The following RNF150 variants were observed in gnomAD, a reference collection of about 807,000 sequenced individuals.
The protein encoded by RNF150 is ring finger protein 150.
A neutral mutation model predicts 39.3 loss-of-function variants in RNF150; 24 were observed. That is an observed-to-expected ratio of 0.61 (90% CI 0.44 to 0.86). The LOEUF is 0.86. Among genes scored for constraint, RNF150 ranks in the 40% least tolerant of loss-of-function variants. The pLI, the probability that RNF150 is intolerant of heterozygous loss-of-function variation, is 0.00. For missense variants in RNF150, 502 were observed against 587.8 expected (o/e 0.85, Z 1.51); for synonymous variants, 255 against 227.3 (o/e 1.12, Z -1.10).
chr4:140,976,949 G>C (rs1733688398), intron 1 of RNF150, among the ~76,000 whole-genome samples: 1 of 151,642 alleles, frequency 6.6e-6, no homozygotes, highest in South Asian at 2.1e-4. Context: ...CTCCCCCTTT[G>C]TCCAAATGAT....
chr4:141,192,713 A>G (rs545920117), intron 1 of RNF150, among the ~76,000 whole-genome samples: 1 of 152,318 alleles, frequency 6.6e-6, no homozygotes, highest in Non-Finnish European at 1.5e-5. Context: ...CCTATCACCA[A>G]CAACACCCTG....
intron 1 of RNF150, among the ~76,000 whole-genome samples, chr4:141,082,557 G>A (rs528435555): frequency 1.9e-3 from 287 of 152,216 alleles, no homozygotes; most frequent in African/African-American, 6.7e-3. Flanking sequence ...ATATAGCAGG[G>A]TCAAGAAATA....
rs191740806 is a variant in RNF150, at chr4:141,083,345, T to A, written c.484+48980A>T. Among the ~76,000 whole-genome samples, 1,295 of 152,356 alleles carry A rather than the reference T, an allele frequency of 8.5e-3. 14 individuals are homozygous for A. The highest frequency in any genetic ancestry group is 0.013 in the Non-Finnish European group (899 of 68,030). ...AACCATACTCAAAAAATAATTTGAA[T>A]GACTCTCACTGGAAATTCTTTAGGC... On this transcript the variant is annotated intron_variant, in intron 1 of 6. Transcript: ENST00000515673.
At chr4:141,128,851 G>GA in intron 1 of RNF150, among the ~76,000 whole-genome samples, 1 of 152,012 alleles carries the variant, frequency 6.6e-6, no homozygotes, top group Middle Eastern at 3.4e-3. Context: ...ATGAATAGCA[G>GA]AAAAAAACAA....
chr4:141,056,840 T>C (rs2110906930), intron 1 of RNF150, among the ~76,000 whole-genome samples: 1 of 152,178 alleles, frequency 6.6e-6, no homozygotes, highest in East Asian at 1.9e-4. Context: ...TTACTCCTCA[T>C]TCTTGTAGTC....
At chr4:141,171,355 C>T (rs189179080) in intron 1 of RNF150, among the ~76,000 whole-genome samples, 2 of 152,044 alleles carry the variant, frequency 1.3e-5, no homozygotes, top group East Asian at 3.9e-4. Context: ...GAGTATCGGA[C>T]CCAATAGGGG....
Position 141,165,337 on chromosome 4 carries a change from G to T in RNF150, c.-6+47457C>A, listed in dbSNP as rs994392177. 4.6e-5 allele frequency among the ~76,000 whole-genome samples: 7 copies of T among 151,960 alleles called. 1 individual carries two copies. Among genetic ancestry groups the T allele is most frequent in the Admixed American group, 2.6e-4 (4 of 15,252 alleles). The stretch of plus-strand genomic sequence containing the variant: ...CCTACAAAGAGACTTGCACTCCCAC[G>T]CAATAATAGTGGGAGACTTTAACAC... On this transcript the variant is annotated intron_variant, in intron 1 of 7. Coordinates refer to the RNF150 transcript ENST00000420921.
At position 141,106,510 on chromosome 4, in the gene RNF150, C is replaced by T. The variant is rs923884815; in HGVS notation, c.484+25815G>A. ...TAAGATGACATAACAATATCTCTTC[C>T]GGCCAGGCATGGTGGCTCACGCCTG... is the stretch of plus-strand genomic sequence containing the variant. On this transcript the variant is annotated intron_variant, in intron 1 of 6. Coordinates refer to ENST00000515673, the MANE Select transcript of RNF150 (RefSeq NM_020724.2). Among the ~76,000 whole-genome samples, 7 of 152,106 alleles carry T rather than the reference C, an allele frequency of 4.6e-5. No individual in the cohort carries two copies. In the East Asian group the frequency reaches 5.8e-4, roughly 13 times the overall value.
chr4:141,154,973 T>A (rs1727359558), intron 1 of RNF150, among the ~76,000 whole-genome samples: 1 of 152,192 alleles, frequency 6.6e-6, no homozygotes, highest in Admixed American at 6.5e-5. Context: ...GGTGATGTCA[T>A]CCTTCGTCAG....
intron 2 of RNF150, 110 bp from the exon 3 acceptor site, chr4:140,949,482 G>T: frequency 1.3e-5 from 11 of 878,816 alleles, no homozygotes; most frequent in Non-Finnish European, 1.8e-5. Context: ...TGCACATGTG[G>T]TATGAATGCT....
chr4:141,170,834 T>C (rs147986000), intron 1 of RNF150, among the ~76,000 whole-genome samples: 139 of 152,338 alleles, frequency 9.1e-4, no homozygotes, highest in African/African-American at 3.2e-3. Flanking sequence ...AATGTGATTG[T>C]TATAAGTGTG....
chr4:141,086,716 A>G (rs1029805480), intron 1 of RNF150, among the ~76,000 whole-genome samples: 2 of 151,552 alleles, frequency 1.3e-5, no homozygotes, highest in Admixed American at 6.6e-5. Context: ...TTGAAGACAG[A>G]TACCTATACT....
At chr4:141,024,170 T>C (rs1735604252) in intron 1 of RNF150, among the ~76,000 whole-genome samples, 1 of 152,102 alleles carries the variant, frequency 6.6e-6, no homozygotes, top group African/African-American at 2.4e-5. Context: ...ATACTCAAGA[T>C]TTAAGCTGGA....
At chr4:140,896,727 A>AAAT (rs1553989332) in intron 6 of RNF150, among the ~76,000 whole-genome samples, 1 of 121,322 alleles carries the variant, frequency 8.2e-6, no homozygotes, top group African/African-American at 3.4e-5. Flanking sequence ...CAAACAAAAA[A>AAAT]AAATAATTTT....
At chr4:141,050,183 G>A (rs1225215320) in intron 1 of RNF150, among the ~76,000 whole-genome samples, 1 of 152,018 alleles carries the variant, frequency 6.6e-6, no homozygotes, top group Admixed American at 6.6e-5. Flanking sequence ...AAAATCAGTA[G>A]GGAGCTTGAA....
chr4:141,027,940 T>G lies in RNF150; in HGVS notation c.485-60067A>C, dbSNP rs1392204784. Among the ~76,000 whole-genome samples the G allele has an allele frequency of 8.1e-4, 108 of 133,572 alleles. 2 individuals carry two copies. Among genetic ancestry groups the G allele is most frequent in the African/African-American group, 2.8e-3 (100 of 36,268 alleles). The allele number at this position is 133,572 out of a possible 152,430, so 87.6% of individuals were successfully genotyped here. A position where few individuals can be genotyped will look rare whatever the true frequency, so the allele number is the denominator to read the frequency against. ...TTTTTTTTTTTGTTTTTTTTTTTTT[T>G]TTTTTTTTTTTTCAATCCTGCTGGA... On this transcript the variant is annotated intron_variant, in intron 1 of 6. Coordinates refer to ENST00000515673, the MANE Select transcript of RNF150 (RefSeq NM_020724.2).
In RNF150 at chr4:140,947,678, T is replaced by C; in HGVS notation, c.866A>G (p.Asp289Gly). ...AVCIEGYKPN[D>G]VVRILPCRHL... ...CCGGCAGGGCAGGATCCGGACAACG[T>C]CATTGGGCTTGTACCCTTCAATACA... The change falls in exon 4 of 7, where the codon GAC (aspartate) becomes GGC (glycine). Residue 289 changes from aspartate (D) to glycine (G), a missense_variant. Physicochemically the swap from Asp to Gly is moderately conservative, Grantham distance 94. Coordinates refer to ENST00000515673, the MANE Select transcript of RNF150 (RefSeq NM_020724.2). The C allele has an allele frequency of 1.2e-6, 2 of 1,611,008 alleles. No homozygotes were observed. The highest frequency in any genetic ancestry group is 1.7e-6 in the Non-Finnish European group (2 of 1,178,806).
At chr4:140,931,516 A>G (rs546169044) in intron 4 of RNF150, among the ~76,000 whole-genome samples, 1 of 152,326 alleles carries the variant, frequency 6.6e-6, no homozygotes, top group Admixed American at 6.5e-5. Flanking sequence ...TAGGGAAAGG[A>G]TCTGGAGTTG....
chr4:141,139,313 C>A (rs932056459), intron 1 of RNF150, among the ~76,000 whole-genome samples: 1 of 152,216 alleles, frequency 6.6e-6, no homozygotes, highest in Non-Finnish European at 1.5e-5. Flanking sequence ...AGGGCTCCTC[C>A]CATCAAGTTT....
Sources: gnomAD v4.1 joint callset for allele counts (sites outside exome capture counted in the v4.1 genomes callset) on GRCh38, gnomAD v4.1.1 for gene constraint, MANE v1.5 for transcripts, NCBI Gene and HGNC (gene_info 2026-07-23, HGNC 2026-07-21) for gene names.